The following ADARB2 variants were observed in gnomAD, a reference collection of about 807,000 sequenced individuals.
ADARB2 encodes adenosine deaminase RNA specific B2 (inactive), also known as inactive double-stranded RNA-specific editase B2.
ADARB2 carries 25 observed loss-of-function variants against 62.2 expected under a neutral mutation model. That is an observed-to-expected ratio of 0.40 (90% CI 0.29 to 0.56). ADARB2 has a LOEUF of 0.56. Ranked by LOEUF, ADARB2 falls within the 20% of genes least tolerant of loss-of-function variation. The pLI, the probability that ADARB2 is intolerant of heterozygous loss-of-function variation, is 0.43. For synonymous variants in ADARB2, 572 were observed against 500.8 expected (o/e 1.14, Z -1.90); for missense variants, 1,071 against 1,077.4 (o/e 0.99, Z 0.08).
chr10:1,324,848 G>A (rs1428447379), intron 3 of ADARB2, among the ~76,000 whole-genome samples: 6 of 152,144 alleles, frequency 3.9e-5, no homozygotes, highest in Admixed American at 3.3e-4. Flanking sequence ...ATTACATGGA[G>A]CTAAACAAAC....
In ADARB2 at chr10:1,493,729, CTTTTTTTTTTTTTTTTTTTTTTTTTT is replaced by C. The variant is rs555812632; in HGVS notation, c.101-114595_101-114570del. 2.7e-3 allele frequency among the ~76,000 whole-genome samples: 156 copies of C among 56,834 alleles called. 2 individuals carry two copies. Among genetic ancestry groups the C allele is most frequent in the South Asian group, 0.022 (29 of 1,336 alleles). 37.3% of individuals were successfully genotyped at this position (56,834 alleles called of 152,430 possible). A position where few individuals can be genotyped will look rare whatever the true frequency, so the allele number is the denominator to read the frequency against. ...TCTAGGCACAGCATAATATGGCATT[CTTTTTTTTTTTTTTTTTTTTTTTTTT>C]TTTTTTTTTTTTTTTTTTTTTGAGA... On this transcript the variant is annotated intron_variant, in intron 1 of 9. Coordinates refer to ENST00000381312, the MANE Select transcript of ADARB2 (RefSeq NM_018702.4).
In ADARB2 at chr10:1,343,403, C is replaced by T. The variant is rs370249041; in HGVS notation, c.1077+19625G>A. 5.9e-5 allele frequency among the ~76,000 whole-genome samples: 9 copies of T among 152,150 alleles called. No individual in the cohort carries two copies. The East Asian group carries it at 1.2e-3, about 20-fold the overall frequency. On this transcript the variant is annotated intron_variant, in intron 3 of 9. Transcript: ENST00000381312. ...GAAAAAAGAATGGAATGTAAATTAG[C>T]TCAGTGGGAATGAGCTAGTGGGAAT...
intron 1 of ADARB2, among the ~76,000 whole-genome samples, chr10:1,482,514 CAGG>C (rs1588273797): frequency 6.6e-6 from 1 of 152,126 alleles, no homozygotes; most frequent in Non-Finnish European, 1.5e-5. Flanking sequence ...TAGAGGTTAC[CAGG>C]AGGAGAAGTG....
chr10:1,315,068 G>C (rs927550969), intron 3 of ADARB2, among the ~76,000 whole-genome samples: 3 of 152,184 alleles, frequency 2.0e-5, no homozygotes, highest in South Asian at 4.1e-4. Context: ...AAGGGGTCCT[G>C]GGCAGGGAGC....
chr10:1,733,175 C>T (rs1835255090), intron 1 of ADARB2, among the ~76,000 whole-genome samples: 1 of 152,214 alleles, frequency 6.6e-6, no homozygotes, highest in East Asian at 1.9e-4. Context: ...CCCCTTTCCA[C>T]TCTGTGAAGA....
chr10:1,538,006 A>G (rs946675259), intron 1 of ADARB2, among the ~76,000 whole-genome samples: 2 of 152,218 alleles, frequency 1.3e-5, no homozygotes, highest in Admixed American at 6.5e-5. Context: ...TTTTTAAAAA[A>G]TTGAAAGTTC....
chr10:1,428,700 T>A (rs997963225), intron 1 of ADARB2, among the ~76,000 whole-genome samples: 2 of 151,790 alleles, frequency 1.3e-5, no homozygotes, highest in Admixed American at 1.3e-4. Context: ...GAGGGGGGTG[T>A]GCTTATGAAA....
Position 1,233,796 on chromosome 10 carries a change from C to G in ADARB2, c.1411G>C (p.Gly471Arg). ...ATGTTCTCTCGCAGCCGGTAGCCAC[C>G]TTCTTTTAACCGCACGAATATCGAT... ...ERSIFVRLKE[G>R]GYRLRENILF... Residue 471 changes from glycine (G) to arginine (R), a missense_variant, in exon 6 of 10, where the codon GGT (glycine) becomes CGT (arginine). Physicochemically the swap from Gly to Arg is moderately radical, Grantham distance 125 (BLOSUM62 -2). Transcript: ENST00000381312. 1 of 1,614,048 alleles carries G rather than the reference C, an allele frequency of 6.2e-7. No homozygotes were observed.
intron 1 of ADARB2, among the ~76,000 whole-genome samples, chr10:1,416,972 G>A (rs1212378567): frequency 6.6e-6 from 1 of 152,252 alleles, no homozygotes; most frequent in Non-Finnish European, 1.5e-5. Flanking sequence ...CCCCGGCTTA[G>A]GAGTTGTTAC....
intron 1 of ADARB2, among the ~76,000 whole-genome samples, chr10:1,472,703 T>C (rs1831340591): frequency 6.6e-6 from 1 of 152,142 alleles, no homozygotes; most frequent in Non-Finnish European, 1.5e-5. Context: ...ACTTTTTGCC[T>C]GTGTTAAGTA....
chr10:1,520,863 A>G (rs1832064755), intron 1 of ADARB2, among the ~76,000 whole-genome samples: 1 of 152,234 alleles, frequency 6.6e-6, no homozygotes, highest in Non-Finnish European at 1.5e-5. Flanking sequence ...TATTTACTAC[A>G]TATGTAGCAT....
chr10:1,480,506 G>A lies in ADARB2; in HGVS notation c.101-101346C>T, dbSNP rs1384221101. Among the ~76,000 whole-genome samples the A allele has an allele frequency of 2.0e-5, 3 of 152,150 alleles. No individual in the cohort carries two copies. The South Asian group carries it at 6.2e-4, about 32-fold the overall frequency. ...TAGGTCAGGAGATTGAGACCATCCT[G>A]GCTAACATGGTGAAACCCCATCTCT... On this transcript the variant is annotated intron_variant, in intron 1 of 9. Transcript: ENST00000381312.
chr10:1,195,965 A>G (rs1470167660), intron 8 of ADARB2, among the ~76,000 whole-genome samples: 1 of 152,146 alleles, frequency 6.6e-6, no homozygotes, highest in African/African-American at 2.4e-5. Flanking sequence ...ACCAGCTGGA[A>G]TCTTCCCTTG....
chr10:1,408,203 T>A (rs1471514157), intron 1 of ADARB2, among the ~76,000 whole-genome samples: 1 of 152,222 alleles, frequency 6.6e-6, no homozygotes, highest in Non-Finnish European at 1.5e-5. Flanking sequence ...AATATTACAT[T>A]GTGAACATTT....
chr10:1,633,609 T>C lies in ADARB2; in HGVS notation c.100+103442A>G, dbSNP rs113234244. Among the ~76,000 whole-genome samples, 232 of 147,948 alleles carry C rather than the reference T, an allele frequency of 1.6e-3. 1 individual carries two copies. Among genetic ancestry groups the C allele is most frequent in the African/African-American group, 5.5e-3 (216 of 39,564 alleles). The stretch of plus-strand genomic sequence containing the variant: ...CTATCTATCTATCTATCTATCTATC[T>C]ATCCCTCTATGTAATCTATCTATCC... On this transcript the variant is annotated intron_variant, in intron 1 of 9. Coordinates refer to ENST00000381312, the MANE Select transcript of ADARB2 (RefSeq NM_018702.4).
At chr10:1,407,920 C>G (rs1375698721) in intron 1 of ADARB2, among the ~76,000 whole-genome samples, 2 of 152,176 alleles carry the variant, frequency 1.3e-5, no homozygotes, top group Non-Finnish European at 2.9e-5. Context: ...GAGGCCAATG[C>G]TTTCTTTGAC....
At chr10:1,277,560 G>A (rs923697183) in intron 3 of ADARB2, among the ~76,000 whole-genome samples, 1 of 152,182 alleles carries the variant, frequency 6.6e-6, no homozygotes, top group Non-Finnish European at 1.5e-5. Context: ...CCAGGAAGAA[G>A]TGGAATCTCT....
intron 1 of ADARB2, among the ~76,000 whole-genome samples, chr10:1,478,678 G>A (rs1404166780): frequency 6.6e-6 from 1 of 150,564 alleles, no homozygotes; most frequent in Non-Finnish European, 1.5e-5. Flanking sequence ...GGACGGGAGA[G>A]CACCAAAACA....
intron 4 of ADARB2, among the ~76,000 whole-genome samples, chr10:1,250,072 A>G (rs1831023075): frequency 6.6e-6 from 1 of 151,034 alleles, no homozygotes; most frequent in Non-Finnish European, 1.5e-5. Flanking sequence ...CAAAATTTAA[A>G]CAAACAGAAA....
Sources: gnomAD v4.1 joint callset for allele counts (sites outside exome capture counted in the v4.1 genomes callset) on GRCh38, gnomAD v4.1.1 for gene constraint, MANE v1.5 for transcripts, NCBI Gene and HGNC (gene_info 2026-07-23, HGNC 2026-07-21) for gene names.